SIL1: variants seen among roughly 807,000 people sequenced by gnomAD.
SIL1 encodes SIL1 nucleotide exchange factor.
Under a neutral mutation model 49.1 loss-of-function variants are expected in SIL1, and 40 were observed. The observed-to-expected ratio is 0.81, with a 90% confidence interval of 0.63 to 1.06. The LOEUF is 1.06. SIL1 is among the 50% of genes least tolerant of loss of function. The pLI is 0.00. For missense variants in SIL1, 500 were observed against 572.6 expected (o/e 0.87, Z 1.29); for synonymous variants, 253 against 250.8 (o/e 1.01, Z -0.08).
chr5:139,185,681 G>C (rs1239832395), intron 1 of SIL1, among the ~76,000 whole-genome samples: 1 of 152,184 alleles, frequency 6.6e-6, no homozygotes, highest in African/African-American at 2.4e-5. Flanking sequence ...CCTCTCACTA[G>C]AGACAAACTG....
At chr5:139,105,220 G>A (rs933430210) in intron 3 of SIL1, among the ~76,000 whole-genome samples, 12 of 152,280 alleles carry the variant, frequency 7.9e-5, no homozygotes, top group African/African-American at 2.9e-4. Flanking sequence ...GGCGATATGT[G>A]GGGAAGGTGG....
intron 1 of SIL1, among the ~76,000 whole-genome samples, chr5:139,143,003 C>T (rs1048040350): frequency 2.6e-5 from 4 of 151,882 alleles, no homozygotes; most frequent in Non-Finnish European, 4.4e-5. Context: ...CTCCTGACCT[C>T]GTGATCCGCC....
chr5:139,137,852 A>G (rs1751005945), intron 1 of SIL1, among the ~76,000 whole-genome samples: 1 of 151,334 alleles, frequency 6.6e-6, no homozygotes, highest in Admixed American at 6.6e-5. Context: ...GGAAAGACCC[A>G]CCTCTACCAT....
intron 7 of SIL1, among the ~76,000 whole-genome samples, chr5:138,965,760 C>T (rs1767125851): frequency 1.4e-5 from 2 of 144,714 alleles, no homozygotes; most frequent in Admixed American, 1.5e-4. Flanking sequence ...TGGAGCCACA[C>T]AGATTTGACT....
chr5:139,161,648 G>A (rs752424241), intron 1 of SIL1, among the ~76,000 whole-genome samples: 2 of 152,104 alleles, frequency 1.3e-5, no homozygotes, highest in African/African-American at 4.8e-5. Flanking sequence ...GGACTCAAAC[G>A]TTTTCAAAAG....
chr5:139,073,971 T>A (rs1397427049), intron 3 of SIL1, among the ~76,000 whole-genome samples: 6 of 152,134 alleles, frequency 3.9e-5, no homozygotes, highest in Non-Finnish European at 7.4e-5. Context: ...GAATGTAAAG[T>A]GTTCTCACCA....
intron 3 of SIL1, among the ~76,000 whole-genome samples, chr5:139,107,229 G>T (rs1466882913): frequency 6.6e-6 from 1 of 152,168 alleles, no homozygotes; most frequent in African/African-American, 2.4e-5. Flanking sequence ...CTGAGTAAGA[G>T]CCCTCCTTCT....
intron 7 of SIL1, among the ~76,000 whole-genome samples, chr5:138,955,999 G>A (rs963422886): frequency 6.6e-6 from 1 of 152,224 alleles, no homozygotes; most frequent in African/African-American, 2.4e-5. Flanking sequence ...GAAATGCTAA[G>A]GTGTAACTGA....
chr5:138,997,402 T>C (rs945072935), intron 7 of SIL1, among the ~76,000 whole-genome samples: 2 of 152,216 alleles, frequency 1.3e-5, no homozygotes, highest in Admixed American at 6.5e-5. Flanking sequence ...CCTTTGCCCA[T>C]TGGATGTTCT....
intron 3 of SIL1, among the ~76,000 whole-genome samples, chr5:139,065,729 C>A (rs1040525734): frequency 6.6e-6 from 1 of 152,216 alleles, no homozygotes; most frequent in Non-Finnish European, 1.5e-5. Flanking sequence ...TACACCCAAT[C>A]CTGGGCAACT....
chr5:139,043,230 C>T (rs1391488553), intron 4 of SIL1, among the ~76,000 whole-genome samples: 1 of 152,186 alleles, frequency 6.6e-6, no homozygotes, highest in African/African-American at 2.4e-5. Flanking sequence ...CAGACAGAAG[C>T]CATCCACGAA....
chr5:139,122,425 T>C (rs1337010288), intron 2 of SIL1, among the ~76,000 whole-genome samples: 1 of 151,906 alleles, frequency 6.6e-6, no homozygotes, highest in South Asian at 2.1e-4. Context: ...AAACCCCACC[T>C]CTACAAAAAA....
At chr5:139,164,933 A>G (rs980796307) in intron 1 of SIL1, among the ~76,000 whole-genome samples, 2 of 152,226 alleles carry the variant, frequency 1.3e-5, no homozygotes, top group African/African-American at 4.8e-5. Context: ...AAGAAAATAA[A>G]AATATTTTAC....
At chr5:139,136,240 G>A (rs145581436) in intron 1 of SIL1, among the ~76,000 whole-genome samples, 2 of 152,236 alleles carry the variant, frequency 1.3e-5, no homozygotes, top group African/African-American at 4.8e-5. Context: ...AGACATGGCA[G>A]GCACTCAATA....
chr5:139,147,153 A>G (rs1156593565), intron 1 of SIL1, among the ~76,000 whole-genome samples: 1 of 152,208 alleles, frequency 6.6e-6, no homozygotes, highest in African/African-American at 2.4e-5. Context: ...TGGCAGGAGT[A>G]TAGAGCAGCT....
At chr5:139,001,776 GC>G in intron 7 of SIL1, among the ~76,000 whole-genome samples, 1 of 152,162 alleles carries the variant, frequency 6.6e-6, no homozygotes, top group South Asian at 2.1e-4. Context: ...GTGGTGGCGG[GC>G]GCCTATAGTC....
At chr5:139,130,956 C>T (rs549636798) in intron 1 of SIL1, among the ~76,000 whole-genome samples, 5 of 152,112 alleles carry the variant, frequency 3.3e-5, no homozygotes, top group South Asian at 4.1e-4. Context: ...AAGCAGTTAC[C>T]GGGTTAAGGA....
At chr5:139,152,529 G>A (rs1012649044) in intron 1 of SIL1, among the ~76,000 whole-genome samples, 46 of 151,412 alleles carry the variant, frequency 3.0e-4, no homozygotes, top group African/African-American at 1.1e-3. Context: ...GCTGAGGCAG[G>A]AGAATCCCTT....
chr5:139,005,443 AT>A (rs952780577), intron 7 of SIL1, among the ~76,000 whole-genome samples: 14 of 147,306 alleles, frequency 9.5e-5, no homozygotes, highest in African/African-American at 3.5e-4. Flanking sequence ...TTATTTATTT[AT>A]TTTTTCTTCC....
Sources: gnomAD v4.1 joint callset for allele counts (sites outside exome capture counted in the v4.1 genomes callset) on GRCh38, gnomAD v4.1.1 for gene constraint, MANE v1.5 for transcripts, NCBI Gene and HGNC (gene_info 2026-07-23, HGNC 2026-07-21) for gene names.